Variants in KLK10 observed in about 807,000 individuals in gnomAD.
The protein encoded by KLK10 is kallikrein related peptidase 10.
In KLK10, 27 loss-of-function variants were observed where a neutral mutation model predicts 25.7. The observed-to-expected ratio is 1.05, with a 90% CI of 0.77 to 1.45. The LOEUF is 1.45. KLK10 is among the 40% of genes most tolerant of loss of function. The probability of loss-of-function intolerance (pLI) is 0.00; values close to 1 mark genes in which losing one functional copy is unlikely to be tolerated. For synonymous variants in KLK10, 173 were observed against 160.1 expected (o/e 1.08, Z -0.61); for missense variants, 386 against 370.0 (o/e 1.04, Z -0.35).
Position 51,017,250 on chromosome 19 carries a change from C to T in KLK10, c.129G>A (p.Leu43=), listed in dbSNP as rs756496581. 2.5e-6 allele frequency: 4 copies of T among 1,610,842 alleles called. No individual in the cohort carries two copies. The highest frequency in any genetic ancestry group is 3.4e-6 in the Non-Finnish European group (4 of 1,178,832). The change falls in exon 3 of 6, where the codon TTG becomes TTA. Residue 43 remains leucine (L), a synonymous_variant. Transcript: ENST00000358789. ...ACGGGGAGCCATAGGCTTCGGGGTC[C>T]AAGCGCGTGTCGTTTTGGGGGAGCA... ...AALLPQNDTR[L]DPEAYGSPCA... is the part of the protein sequence containing the mutation.
At position 51,016,000 on chromosome 19, in the gene KLK10, C is replaced by A; in HGVS notation, c.426G>T (p.Lys142Asn). 6 of 1,570,114 alleles carry A rather than the reference C, an allele frequency of 3.8e-6. No homozygotes were observed. The highest frequency in any genetic ancestry group is 5.2e-6 in the Non-Finnish European group (6 of 1,157,574). The change falls in exon 4 of 6, where the codon AAG becomes AAT. Residue 142 changes from lysine (K) to asparagine (N), a missense_variant. Coordinates refer to ENST00000358789, the MANE Select transcript of KLK10 (RefSeq NM_145888.3). The part of the protein sequence containing the change: ...RTDEHDLMLL[K>N]LARPVVLGPR... ...GCCCCAGCACTACGGGCCTGGCCAG[C>A]TTCAGCAACATGAGATCGTGCTCAT...
At position 51,017,227 on chromosome 19, in the gene KLK10, G is replaced by A. The variant is rs765097088; in HGVS notation, c.152C>T (p.Pro51Leu). The A allele has an allele frequency of 4.5e-5, 73 of 1,612,420 alleles. No individual in the cohort carries two copies. The highest frequency in any genetic ancestry group is 5.5e-5 in the Non-Finnish European group (65 of 1,179,610). The change falls in exon 3 of 6, where the codon CCG becomes CTG. Residue 51 changes from proline to leucine, a missense_variant. By Grantham distance (98) the Pro-to-Leu change is moderately conservative. Coordinates refer to ENST00000358789, the MANE Select transcript of KLK10 (RefSeq NM_145888.3). ...CCAGGGCTGCGAGCCGCGCGCGCAC[G>A]GGGAGCCATAGGCTTCGGGGTCCAA... The part of the protein sequence containing the change: ...TRLDPEAYGS[P>L]CARGSQPWQV...
Position 51,019,390 on chromosome 19 carries a change from C to A in KLK10, c.-10+237G>T, listed in dbSNP as rs2091379159. Among the ~76,000 whole-genome samples, 1 of 152,228 alleles carries A rather than the reference C, an allele frequency of 6.6e-6. No homozygotes were observed. Among genetic ancestry groups the A allele is most frequent in the Non-Finnish European group, 1.5e-5 (1 of 68,042 alleles). On this transcript the variant is annotated intron_variant, in intron 1 of 5. Coordinates refer to ENST00000358789, the MANE Select transcript of KLK10 (RefSeq NM_145888.3). This position sits in a 1 kb window ranked among gnomAD's most constrained non-coding sequence, Gnocchi z 4.2. ...CCCGAGTGGAGCGCTCTCCGCGCCC[C>A]AGCTACCCTGGCTGCAGCCACGCCG...
In KLK10 at chr19:51,014,331, A is replaced by G. The variant is rs563724926; in HGVS notation, c.*469T>C. ...CCCACTGTGTTAAGCCTTACATGAC[A>G]ATCACCATGAAGATTTACATACACA... On this transcript the variant is annotated 3_prime_UTR_variant, in exon 6 of 6. Transcript: ENST00000358789. 1 of 138,936 alleles carries G rather than the reference A, an allele frequency of 7.2e-6. No homozygotes were observed. The highest frequency in any genetic ancestry group is 3.2e-5 in the African/African-American group (1 of 30,910). 8.6% of individuals were successfully genotyped at this position (138,936 alleles called of 1,614,324 possible).
chr19:51,014,931 C>A lies in KLK10; in HGVS notation c.700G>T (p.Val234Phe), dbSNP rs2091303618. Residue 234 changes from valine (V) to phenylalanine (F), a missense_variant, in exon 6 of 6, where the codon GTC becomes TTC. Val to Phe is a conservative substitution (Grantham distance 50, BLOSUM62 -1). Transcript: ENST00000358789. ...ATGCCTTGGAGGGTCTCGTCACAGACCAGGGGGCCTCCAGAGTCACTCTGG... is the reference window on the plus strand; with the variant it reads ...ATGCCTTGGAGGGTCTCGTCACAGAACAGGGGGCCTCCAGAGTCACTCTGG... Reference protein sequence around the residue: ...PCQSDSGGPLVCDETLQGILS... With the variant: ...PCQSDSGGPLFCDETLQGILS... 1 of 1,613,742 alleles carries A rather than the reference C, an allele frequency of 6.2e-7. No homozygotes were observed. Among genetic ancestry groups the A allele is most frequent in the Non-Finnish European group, 8.5e-7 (1 of 1,179,934 alleles).
In KLK10 at chr19:51,014,894, C is replaced by A. The variant is rs753016440; in HGVS notation, c.737G>T (p.Gly246Val). 1.9e-6 allele frequency: 3 copies of A among 1,614,018 alleles called. No individual in the cohort carries two copies. In the South Asian group the frequency reaches 3.3e-5, roughly 18 times the overall value. ...CTGGGCAGAGCCACAGGGGTAAACACCCCACGAGAGGATGCCTTGGAGGGT... is the reference window on the plus strand; with the variant it reads ...CTGGGCAGAGCCACAGGGGTAAACAACCCACGAGAGGATGCCTTGGAGGGT... Reference protein sequence around the residue: ...DETLQGILSWGVYPCGSAQHP... With the variant: ...DETLQGILSWVVYPCGSAQHP... The change falls in exon 6 of 6, where the codon GGT becomes GTT. Residue 246 changes from glycine (G) to valine (V), a missense_variant. Coordinates refer to ENST00000358789, the MANE Select transcript of KLK10 (RefSeq NM_145888.3).
upstream of KLK10, chr19:51,020,073 G>A (rs1264164078): frequency 1.3e-5 from 2 of 152,464 alleles, no homozygotes; most frequent in East Asian, 1.9e-4. Flanking sequence ...CATACCTAGA[G>A]TGACAATGTG....
chr19:51,015,094 T>C, intron 5 of KLK10, 142 bp from the exon 6 acceptor site: 1 of 730,026 alleles, frequency 1.4e-6, no homozygotes, highest in Non-Finnish European at 2.2e-6. Context: ...AGGTATGAGC[T>C]GGAAGGTAGG....
intron 2 of KLK10, 94 bp from the exon 3 acceptor site, chr19:51,017,384 CG>C: frequency 1.7e-6 from 2 of 1,178,982 alleles, no homozygotes; most frequent in Non-Finnish European, 1.2e-6. Context: ...CGTTCGGGGA[CG>C]GGGGACGCAG....
At position 51,019,027 on chromosome 19, in the gene KLK10, CT is replaced by C; in HGVS notation, c.88+15del. On this transcript the variant is annotated intron_variant, in intron 2 of 5. Coordinates refer to ENST00000358789, the MANE Select transcript of KLK10 (RefSeq NM_145888.3). The surrounding 1 kb of genome is among the most constrained non-coding windows in gnomAD (Gnocchi z 4.2). The stretch of plus-strand genomic sequence containing the variant: ...TCCCACCGGCGCCTCTCCCCGCCCC[CT>C]GCCCCCGACCTTACCCCAGAGTTGC... 6.3e-7 allele frequency: 1 copy of C among 1,577,866 alleles called. No individual in the cohort carries two copies. The highest frequency in any genetic ancestry group is 8.6e-7 in the Non-Finnish European group (1 of 1,164,858).
At chr19:51,017,089 C>G (rs1476258241) in intron 3 of KLK10, 21 bp downstream of exon 3, 1 of 1,560,206 alleles carries the variant, frequency 6.4e-7, no homozygotes, top group Non-Finnish European at 8.7e-7. Context: ...GTGGCGTCCT[C>G]GGGGATGGAT....
At chr19:51,016,184 C>G in intron 3 of KLK10, 28 bp from the exon 4 acceptor site, 1 of 1,535,570 alleles carries the variant, frequency 6.5e-7, no homozygotes, top group South Asian at 1.2e-5. Flanking sequence ...CATGTGAAGG[C>G]AAACCCTTCA....
At chr19:51,018,560 CG>C (rs1167205876) in intron 2 of KLK10, 2 of 159,298 alleles carry the variant, frequency 1.3e-5, no homozygotes, top group Non-Finnish European at 2.8e-5. Context: ...AAAAACTAGC[CG>C]GGCTTGGTGG....
Position 51,015,937 on chromosome 19 carries a change from A to G in KLK10, c.489T>C (p.Ala163=). The G allele has an allele frequency of 6.3e-7, 1 of 1,590,950 alleles. No homozygotes were observed. Among genetic ancestry groups the G allele is most frequent in the Non-Finnish European group, 8.5e-7 (1 of 1,171,608 alleles). ...VRALQLPYRC[A]QPGDQCQVAG... The stretch of plus-strand genomic sequence containing the variant: ...CAACCTGGCACTGGTCTCCGGGCTG[A>G]GCACAGCGGTAGGGAAGCTGCAGGG... The change falls in exon 4 of 6, where the codon GCT becomes GCC. Residue 163 remains alanine, a synonymous_variant. Transcript: ENST00000358789.
chr19:51,014,544 T>C lies in KLK10; in HGVS notation c.*256A>G, dbSNP rs1317391783. On this transcript the variant is annotated 3_prime_UTR_variant, in exon 6 of 6. Coordinates refer to ENST00000358789, the MANE Select transcript of KLK10 (RefSeq NM_145888.3). Reference sequence around the variant, plus strand: ...TCTCAGAGGCTGGGTGATGACCGGCTTCCTGGCTTCTCTGGAATAAACCTT... The same window carrying C: ...TCTCAGAGGCTGGGTGATGACCGGCCTCCTGGCTTCTCTGGAATAAACCTT... 1.6e-5 allele frequency: 5 copies of C among 313,746 alleles called. No individual in the cohort carries two copies. The South Asian group carries it at 1.8e-4, about 11-fold the overall frequency. 19.4% of individuals were successfully genotyped at this position (313,746 alleles called of 1,614,324 possible). A position where few individuals can be genotyped will look rare whatever the true frequency, so the allele number is the denominator to read the frequency against.
In KLK10 at chr19:51,019,022, G is replaced by GC; in HGVS notation, c.88+20dup. 1 of 1,459,358 alleles carries GC rather than the reference G, an allele frequency of 6.9e-7. No individual in the cohort carries two copies. Among genetic ancestry groups the GC allele is most frequent in the Non-Finnish European group, 9.4e-7 (1 of 1,062,772 alleles). The allele number at this position is 1,459,358 out of a possible 1,614,324, so 90.4% of individuals were successfully genotyped here. On this transcript the variant is annotated intron_variant, in intron 2 of 5. Transcript: ENST00000358789. The surrounding 1 kb of genome is among the most constrained non-coding windows in gnomAD (Gnocchi z 4.2). ...GTGCCTCCCACCGGCGCCTCTCCCC[G>GC]CCCCCTGCCCCCGACCTTACCCCAG...
At chr19:51,019,982 G>C (rs2091384964), upstream of KLK10, 1 of 152,126 alleles carries the variant, frequency 6.6e-6, no homozygotes, top group Non-Finnish European at 1.5e-5. The surrounding 1 kb of genome is among the most constrained non-coding windows in gnomAD (Gnocchi z 4.2). Flanking sequence ...TCCCAGGCGC[G>C]GGGAGAGGGT....
At position 51,019,423 on chromosome 19, in the gene KLK10, G is replaced by T. The variant is rs1230378684; in HGVS notation, c.-10+204C>A. The stretch of plus-strand genomic sequence containing the variant: ...CTGGCTGCAGCCACGCCGCGCCCGA[G>T]GTTTCCCCCTCCTTCACGCGCGGGG... On this transcript the variant is annotated intron_variant, in intron 1 of 5. Coordinates refer to ENST00000358789, the MANE Select transcript of KLK10 (RefSeq NM_145888.3). This position sits in a 1 kb window ranked among gnomAD's most constrained non-coding sequence, Gnocchi z 4.2. Among the ~76,000 whole-genome samples the T allele has an allele frequency of 1.3e-5, 2 of 152,238 alleles. No homozygotes were observed. The highest frequency in any genetic ancestry group is 6.5e-5 in the Admixed American group (1 of 15,284).
rs1258934449 is a variant in KLK10, at chr19:51,019,178, T to A, written c.-9-39A>T. 7.2e-7 allele frequency: 1 copy of A among 1,397,850 alleles called. No individual in the cohort carries two copies. Among genetic ancestry groups the A allele is most frequent in the East Asian group, 2.4e-5 (1 of 41,350 alleles). 86.6% of individuals were successfully genotyped at this position (1,397,850 alleles called of 1,614,324 possible). ...TGCAGGGGCGGGTTAAAACAGATGC[T>A]CCGTTAGAGACCCCCACCTCGCCGC... On this transcript the variant is annotated intron_variant, in intron 1 of 5. Transcript: ENST00000358789. This position sits in a 1 kb window ranked among gnomAD's most constrained non-coding sequence, Gnocchi z 4.2.
Sources: allele counts gnomAD v4.1 joint callset (sites outside exome capture counted in the v4.1 genomes callset), GRCh38; gene constraint gnomAD v4.1.1; non-coding constraint Gnocchi (gnomAD v3.1); transcripts MANE v1.5; gene names NCBI Gene and HGNC (gene_info 2026-07-23, HGNC 2026-07-21).